CUL7: variants seen among roughly 807,000 people sequenced by gnomAD.
CUL7 encodes cullin-7.
A neutral mutation model predicts 177.7 loss-of-function variants in CUL7; 96 were observed. The observed-to-expected ratio is 0.54, with a 90% CI of 0.46 to 0.64. CUL7 has a LOEUF of 0.64. CUL7 is among the 30% of genes least tolerant of loss of function. CUL7 has a pLI of 0.00. For synonymous variants in CUL7, 824 were observed against 890.2 expected (o/e 0.93, Z 1.32); for missense variants, 1,893 against 2,187.9 (o/e 0.87, Z 2.69).
intron 25 of CUL7, 89 bp from the exon 26 acceptor site, chr6:43,038,100 G>A: frequency 6.6e-7 from 1 of 1,515,872 alleles, no homozygotes; most frequent in South Asian, 1.3e-5. Context: ...CAGCTGCTAG[G>A]ACAGGATGCC....
chr6:43,038,751 G>T, intron 23 of CUL7, 59 bp from the exon 24 acceptor site: 1 of 1,612,286 alleles, frequency 6.2e-7, no homozygotes. Context: ...AGAAGAGGAT[G>T]GAGGGAAGAA....
rs199819170 is a variant in CUL7, at chr6:43,049,409, T to C, written c.1823A>G (p.Glu608Gly). 426 of 1,614,174 alleles carry C rather than the reference T, an allele frequency of 2.6e-4. 3 individuals carry two copies. The East Asian group carries it at 9.5e-3, about 36-fold the overall frequency. The change falls in exon 7 of 26, where the codon GAA (glutamate) becomes GGA (glycine). Residue 608 changes from glutamate to glycine, a missense_variant and splice_region_variant. This residue lies in a region of CUL7 where 973 missense variants were observed against 1,140.9 expected (regional missense o/e 0.85). Coordinates refer to ENST00000265348, the MANE Select transcript of CUL7 (RefSeq NM_014780.5). ...CAGCTGCTGTGTCTGGCACCCACCT[T>C]CCACTTTGGCTGCATCTTCTGAGTC... ...AKDSEDAAKV[E>G]AKEPPSQSPN...
chr6:43,045,477 T>G lies in CUL7; in HGVS notation c.2863-75A>C, dbSNP rs966518205. On this transcript the variant is annotated intron_variant, in intron 14 of 25. Coordinates refer to ENST00000265348, the MANE Select transcript of CUL7 (RefSeq NM_014780.5). The surrounding 1 kb of genome is among the most constrained non-coding windows in gnomAD (Gnocchi z 4.8). ...CTGGGGTCAGCTACGCCCTCGAACC[T>G]CACCCCTGGAGCTGCTCGAGACCCA... is the stretch of plus-strand genomic sequence containing the variant. The G allele has an allele frequency of 1.9e-6, 3 of 1,613,624 alleles. No homozygotes were observed. The highest frequency in any genetic ancestry group is 2.5e-6 in the Non-Finnish European group (3 of 1,179,644).
chr6:43,050,047 C>T lies in CUL7; in HGVS notation c.1485G>A (p.Trp495Ter). Residue 495 changes from tryptophan to a stop codon, truncating the protein, a stop_gained, in exon 6 of 26, where the codon TGG becomes TGA. Transcript: ENST00000265348. LOFTEE classifies it high-confidence loss of function. This position sits in a 1 kb window ranked among gnomAD's most constrained non-coding sequence, Gnocchi z 4.1. ...GCTTCTTGATGAAGAAGAGGAGTTC[C>T]CACCACTCAGCCAGGGTCAGGTGTT... ...ECEHLTLAEW[W>*]ELLFFIKKLD... is the part of the protein sequence containing the mutation. 1 of 1,614,204 alleles carries T rather than the reference C, an allele frequency of 6.2e-7. No homozygotes were observed. The highest frequency in any genetic ancestry group is 8.5e-7 in the Non-Finnish European group (1 of 1,180,034).
chr6:43,038,516 G>C (rs1202346912), intron 24 of CUL7, 44 bp from the exon 25 acceptor site: 11 of 1,613,808 alleles, frequency 6.8e-6, no homozygotes, highest in Non-Finnish European at 9.3e-6. Flanking sequence ...AGCCCACGAG[G>C]AGCCTGGCCC....
chr6:43,047,048 G>A lies in CUL7; in HGVS notation c.2229C>T (p.Ala743=), dbSNP rs188565648. The A allele has an allele frequency of 4.9e-5, 79 of 1,613,378 alleles. No individual in the cohort carries two copies. Among genetic ancestry groups the A allele is most frequent in the East Asian group, 1.6e-4 (7 of 44,876 alleles). ...TTGCTCCCAGCTGATTCAGCACCAC[G>A]GCATAGTCCCTGCTCACTGAGGTCA... ...HRLTSVSRDY[A]VVLNQLGARD... Residue 743 remains alanine, a synonymous_variant, in exon 10 of 26, where the codon GCC becomes GCT. Coordinates refer to ENST00000265348, the MANE Select transcript of CUL7 (RefSeq NM_014780.5).
In CUL7 at chr6:43,049,422, C is replaced by A; in HGVS notation, c.1810G>T (p.Ala604Ser). ...AQAQAKDSED[A>S]AKVEAKEPPS... ...TGGCACCCACCTTCCACTTTGGCTGCATCTTCTGAGTCCTTAGCCTGGGCC... is the reference window on the plus strand; with the variant it reads ...TGGCACCCACCTTCCACTTTGGCTGAATCTTCTGAGTCCTTAGCCTGGGCC... Residue 604 changes from alanine (A) to serine (S), a missense_variant, in exon 7 of 26, where the codon GCA becomes TCA. Ala to Ser is a moderately conservative substitution (Grantham distance 99). This residue lies in a region of CUL7 where 973 missense variants were observed against 1,140.9 expected (regional missense o/e 0.85). Coordinates refer to ENST00000265348, the MANE Select transcript of CUL7 (RefSeq NM_014780.5). The A allele has an allele frequency of 1.2e-6, 2 of 1,614,228 alleles. No individual in the cohort carries two copies. Among genetic ancestry groups the A allele is most frequent in the Non-Finnish European group, 1.7e-6 (2 of 1,180,040 alleles).
chr6:43,053,576 T>C lies in CUL7; in HGVS notation c.-9+46A>G. 2.4e-6 allele frequency: 3 copies of C among 1,253,070 alleles called. No homozygotes were observed. The highest frequency in any genetic ancestry group is 2.9e-4 in the Middle Eastern group (1 of 3,442). The allele number at this position is 1,253,070 out of a possible 1,614,324, so 77.6% of individuals were successfully genotyped here. On this transcript the variant is annotated intron_variant, in intron 1 of 25. Coordinates refer to ENST00000265348, the MANE Select transcript of CUL7 (RefSeq NM_014780.5). This position sits in a 1 kb window ranked among gnomAD's most constrained non-coding sequence, Gnocchi z 4.1. ...GTGAGCGCGAGGCTCGATGGGCTAG[T>C]GGGCAGGGAAGGAGAAGCAAGGGGC...
chr6:43,041,085 G>A lies in CUL7; in HGVS notation c.3646-10C>T. On this transcript the variant is annotated splice_polypyrimidine_tract_variant and intron_variant, in intron 19 of 25. Transcript: ENST00000265348. ...CGAACTGCTCACTCACCTGAGCAAT[G>A]GCAGAGCACAGGAAAGCCATGAATG... is the stretch of plus-strand genomic sequence containing the variant. 6.2e-7 allele frequency: 1 copy of A among 1,613,502 alleles called. No individual in the cohort carries two copies. The highest frequency in any genetic ancestry group is 8.5e-7 in the Non-Finnish European group (1 of 1,179,766).
In CUL7 at chr6:43,046,258, T is replaced by C. The variant is rs376233208; in HGVS notation, c.2638A>G (p.Met880Val). 6.2e-6 allele frequency: 10 copies of C among 1,614,202 alleles called. No homozygotes were observed. Among genetic ancestry groups the C allele is most frequent in the African/African-American group, 5.3e-5 (4 of 75,036 alleles). ...SAGSHYITLHMRRGILIRQLT... is the reference protein window; with the variant it reads ...SAGSHYITLHVRRGILIRQLT... ...TACCTGATGAGGATGCCCCGGCGCA[T>C]GTGCAGGGTGATGTAGTGGGAGCCG... Residue 880 changes from methionine (M) to valine (V), a missense_variant, in exon 12 of 26, where the codon ATG becomes GTG. Physicochemically the swap from Met to Val is conservative, Grantham distance 21 (BLOSUM62 1). Around this residue, in one of 5 missense-constraint regions of CUL7, gnomAD observed 973 missense variants for 1,140.9 expected, o/e 0.85. Transcript: ENST00000265348.
At chr6:43,042,207 G>A (rs1214968510) in intron 19 of CUL7, among the ~76,000 whole-genome samples, 2 of 152,072 alleles carry the variant, frequency 1.3e-5, no homozygotes, top group African/African-American at 4.8e-5. Context: ...CACAAAGATG[G>A]TCCTGATGCA....
chr6:43,051,500 C>T lies in CUL7; in HGVS notation c.733-32G>A. On this transcript the variant is annotated intron_variant, in intron 3 of 25. Transcript: ENST00000265348. The surrounding 1 kb of genome is among the most constrained non-coding windows in gnomAD (Gnocchi z 5.0). ...GATACAACCTTTGGCCTATATCCACCTTGTCCCAGTTTAAGCCCCTCTCTC... is the reference window on the plus strand; with the variant it reads ...GATACAACCTTTGGCCTATATCCACTTTGTCCCAGTTTAAGCCCCTCTCTC... 1 of 1,614,012 alleles carries T rather than the reference C, an allele frequency of 6.2e-7. No individual in the cohort carries two copies. Among genetic ancestry groups the T allele is most frequent in the Non-Finnish European group, 8.5e-7 (1 of 1,180,022 alleles).
rs753307228 is a variant in CUL7 at position 43,046,240 on chromosome 6, T to C, written c.2656A>G (p.Ile886Val). ...ITLHMRRGIL[I>V]RQLTLLVASE... Reference sequence around the variant, plus strand: ...GCACATGTGTGGGAGAGTTACCTGATGAGGATGCCCCGGCGCATGTGCAGG... The same window carrying C: ...GCACATGTGTGGGAGAGTTACCTGACGAGGATGCCCCGGCGCATGTGCAGG... Residue 886 changes from isoleucine to valine, a missense_variant, in exon 12 of 26, where the codon ATC (isoleucine) becomes GTC (valine). By Grantham distance (29) the Ile-to-Val change is conservative (BLOSUM62 3). Around this residue, in one of 5 missense-constraint regions of CUL7, gnomAD observed 973 missense variants for 1,140.9 expected, o/e 0.85. Coordinates refer to ENST00000265348, the MANE Select transcript of CUL7 (RefSeq NM_014780.5). The C allele has an allele frequency of 1.2e-6, 2 of 1,614,148 alleles. No homozygotes were observed. Among genetic ancestry groups the C allele is most frequent in the Admixed American group, 3.3e-5 (2 of 60,028 alleles).
At chr6:43,049,873 CT>C in intron 6 of CUL7, 89 bp downstream of exon 6, 1 of 1,436,420 alleles carries the variant, frequency 7.0e-7, no homozygotes. Flanking sequence ...CTGACCTCCA[CT>C]TTTCATCCTG....
Position 43,043,155 on chromosome 6 carries a change from CCA to C in CUL7, c.3379_3380del (p.Trp1127GlufsTer39), listed in dbSNP as rs730880262. 7 of 1,613,956 alleles carry C rather than the reference CCA, an allele frequency of 4.3e-6. No homozygotes were observed. The South Asian group carries it at 7.7e-5, about 18-fold the overall frequency. On this transcript the variant is annotated frameshift_variant, in exon 18 of 26. Transcript: ENST00000265348. LOFTEE classifies it high-confidence loss of function. This position sits in a 1 kb window ranked among gnomAD's most constrained non-coding sequence, Gnocchi z 4.2. ...GAAGGCCCCGGGTAGCCAAGGAGCT[CCA>C]GTCGTGGCTTCTGTTTCTGCCTTCT... The part of the protein sequence containing the change: ...RPKGRNRSHD[W>X]SSLATRGLPS...
In CUL7 at chr6:43,037,776, G is replaced by A. The variant is rs772534400; in HGVS notation, c.5009C>T (p.Pro1670Leu). ...LNPGSSGPNP[P>L]LTFHTLQIRS... ...AATCTGTAGGGTATGGAAGGTGAGG[G>A]GTGGGTTGGGGCCTGAGGAGCCTGG... Residue 1670 changes from proline (P) to leucine (L), a missense_variant, in exon 26 of 26, where the codon CCC becomes CTC. By Grantham distance (98) the Pro-to-Leu change is moderately conservative (BLOSUM62 -3). Coordinates refer to ENST00000265348, the MANE Select transcript of CUL7 (RefSeq NM_014780.5). The A allele has an allele frequency of 2.5e-6, 4 of 1,593,946 alleles. No individual in the cohort carries two copies. In the South Asian group the frequency reaches 4.5e-5, roughly 18 times the overall value.
chr6:43,048,573 C>T lies in CUL7; in HGVS notation c.1826-4G>A. On this transcript the variant is annotated splice_region_variant and splice_polypyrimidine_tract_variant and intron_variant, in intron 7 of 25. Transcript: ENST00000265348. The stretch of plus-strand genomic sequence containing the variant: ...CTCTGAGATGGGGGTTCTTTTGCTA[C>T]AGGAAGGGGACAGTCACAGGAGTTG... 1 of 1,608,212 alleles carries T rather than the reference C, an allele frequency of 6.2e-7. No individual in the cohort carries two copies. The highest frequency in any genetic ancestry group is 1.1e-5 in the South Asian group (1 of 90,950).
chr6:43,052,453 G>A lies in CUL7; in HGVS notation c.336C>T (p.Thr112=), dbSNP rs758213995. The stretch of plus-strand genomic sequence containing the variant: ...CTCTCTGAATGAGGGACTTCACGTC[G>A]GTTTCCATCTCCTCCAGCACAGATT... The part of the protein sequence containing the change: ...LDKSVLEEME[T]DVKSLIQRAL... Residue 112 remains threonine, a synonymous_variant, in exon 2 of 26, where the codon ACC becomes ACT. Transcript: ENST00000265348. This position sits in a 1 kb window ranked among gnomAD's most constrained non-coding sequence, Gnocchi z 4.5. The A allele has an allele frequency of 2.0e-5, 32 of 1,614,046 alleles. No individual in the cohort carries two copies. Among genetic ancestry groups the A allele is most frequent in the South Asian group, 5.5e-5 (5 of 91,086 alleles).
Position 43,047,117 on chromosome 6 carries a change from G to A in CUL7, c.2170-10C>T. On this transcript the variant is annotated splice_polypyrimidine_tract_variant and intron_variant, in intron 9 of 25. Coordinates refer to ENST00000265348, the MANE Select transcript of CUL7 (RefSeq NM_014780.5). ...TCAGTTCCTGGAGCACCTGGGTGGG[G>A]ACATAAGGGAGGAGATGAATGAAGA... 1 of 1,531,336 alleles carries A rather than the reference G, an allele frequency of 6.5e-7. No homozygotes were observed. Among genetic ancestry groups the A allele is most frequent in the Non-Finnish European group, 9.1e-7 (1 of 1,104,908 alleles). The allele number at this position is 1,531,336 out of a possible 1,614,324, so 94.9% of individuals were successfully genotyped here. A position where few individuals can be genotyped will look rare whatever the true frequency, so the allele number is the denominator to read the frequency against.
Sources: gnomAD v4.1 joint callset for allele counts (sites outside exome capture counted in the v4.1 genomes callset) on GRCh38, gnomAD v4.1.1 for gene constraint, gnomAD v4.1.1 regional missense constraint, Gnocchi (gnomAD v3.1) non-coding constraint, MANE v1.5 for transcripts, NCBI Gene and HGNC (gene_info 2026-07-23, HGNC 2026-07-21) for gene names.